Variants in GRIA4 observed in about 807,000 individuals in gnomAD.
The protein encoded by GRIA4 is glutamate ionotropic receptor AMPA type subunit 4, also known as glutamate receptor 4.
GRIA4 carries 34 observed loss-of-function variants against 104.0 expected under a neutral mutation model. The ratio of observed to expected loss-of-function variants is 0.33; its 90% CI spans 0.25 to 0.44. The LOEUF (loss-of-function observed/expected upper bound fraction) is 0.44, where lower values mean the gene tolerates loss of function less well. Ranked by LOEUF, GRIA4 falls within the 20% of genes least tolerant of loss-of-function variation. GRIA4 has a pLI of 1.00. For missense variants in GRIA4, 750 were observed against 1,096.5 expected (o/e 0.68, Z 4.46); for synonymous variants, 386 against 381.9 (o/e 1.01, Z -0.13).
intron 4 of GRIA4, among the ~76,000 whole-genome samples, chr11:105,817,375 T>G (rs1420789784): frequency 6.6e-6 from 1 of 150,376 alleles, no homozygotes; most frequent in Admixed American, 6.7e-5. Flanking sequence ...AAAAACTTAT[T>G]GTGGTGTTTA....
chr11:105,784,665 C>CTATCAATT (rs1941878097), intron 4 of GRIA4, among the ~76,000 whole-genome samples: 2 of 152,122 alleles, frequency 1.3e-5, no homozygotes, highest in African/African-American at 4.8e-5. Flanking sequence ...CCCTAATAAA[C>CTATCAATT]TATCAATTTT....
intron 14 of GRIA4, among the ~76,000 whole-genome samples, chr11:105,964,520 T>G (rs1037742671): frequency 3.3e-5 from 5 of 152,216 alleles, no homozygotes; most frequent in African/African-American, 1.2e-4. Context: ...GCAAATCAAT[T>G]ATTCAACTGC....
At chr11:105,780,955 C>A (rs975556861) in intron 4 of GRIA4, among the ~76,000 whole-genome samples, 1 of 152,128 alleles carries the variant, frequency 6.6e-6, no homozygotes, top group Non-Finnish European at 1.5e-5. Flanking sequence ...ACACATATCA[C>A]AACTGGAGTC....
chr11:105,762,092 C>G (rs990371602), intron 4 of GRIA4, among the ~76,000 whole-genome samples: 1 of 150,584 alleles, frequency 6.6e-6, no homozygotes, highest in African/African-American at 2.4e-5. Context: ...TGTGTGATCT[C>G]AGCTCACTGC....
At chr11:105,737,012 T>G (rs1008221527) in intron 3 of GRIA4, among the ~76,000 whole-genome samples, 1 of 152,042 alleles carries the variant, frequency 6.6e-6, no homozygotes, top group Non-Finnish European at 1.5e-5. Context: ...TGGTTTAATA[T>G]AGGGAATTAA....
intron 3 of GRIA4, among the ~76,000 whole-genome samples, chr11:105,654,010 A>G (rs1047167111): frequency 4.8e-5 from 7 of 144,910 alleles, no homozygotes; most frequent in African/African-American, 1.3e-4. Flanking sequence ...AAAAAAAAAA[A>G]AAAAAAAAAA....
chr11:105,676,020 T>C (rs941393084), intron 3 of GRIA4, among the ~76,000 whole-genome samples: 1 of 151,824 alleles, frequency 6.6e-6, no homozygotes, highest in African/African-American at 2.4e-5. Flanking sequence ...AACATATTAA[T>C]TTATTCAACA....
chr11:105,914,226 A>T (rs1186229623), intron 10 of GRIA4, among the ~76,000 whole-genome samples: 2 of 151,524 alleles, frequency 1.3e-5, no homozygotes, highest in Non-Finnish European at 3.0e-5. Context: ...AGATTTACTA[A>T]TTTTTTTTCT....
chr11:105,632,334 T>C (rs1951055088), intron 3 of GRIA4, among the ~76,000 whole-genome samples: 2 of 152,212 alleles, frequency 1.3e-5, no homozygotes, highest in African/African-American at 4.8e-5. Flanking sequence ...ACTCCAAATA[T>C]GTCTGTTTAC....
At chr11:105,757,269 A>G (rs1940369607) in intron 4 of GRIA4, among the ~76,000 whole-genome samples, 1 of 152,148 alleles carries the variant, frequency 6.6e-6, no homozygotes, top group Non-Finnish European at 1.5e-5. Context: ...ACTTGGTGAG[A>G]GGAGGCAAAG....
At chr11:105,920,431 T>C (rs1379992599) in intron 11 of GRIA4, among the ~76,000 whole-genome samples, 1 of 152,136 alleles carries the variant, frequency 6.6e-6, no homozygotes, top group Non-Finnish European at 1.5e-5. Flanking sequence ...CACTCTTACA[T>C]ATTTCATCTC....
At chr11:105,859,776 G>A (rs1235271221) in intron 4 of GRIA4, among the ~76,000 whole-genome samples, 1 of 152,042 alleles carries the variant, frequency 6.6e-6, no homozygotes, top group East Asian at 1.9e-4. Flanking sequence ...TAAATAAAAG[G>A]AGAAAAAAGA....
intron 4 of GRIA4, among the ~76,000 whole-genome samples, chr11:105,776,719 G>A (rs1941466963): frequency 2.0e-5 from 3 of 152,082 alleles, no homozygotes; most frequent in African/African-American, 7.2e-5. Context: ...AAAGATTACT[G>A]CATTTAGTGT....
intron 3 of GRIA4, among the ~76,000 whole-genome samples, chr11:105,650,230 T>C (rs1315974998): frequency 6.6e-6 from 1 of 152,192 alleles, no homozygotes; most frequent in Non-Finnish European, 1.5e-5. Flanking sequence ...GTTGCAAGTC[T>C]CACTTCTTTT....
intron 13 of GRIA4, among the ~76,000 whole-genome samples, chr11:105,928,490 C>T (rs1445657987): frequency 1.3e-5 from 2 of 151,924 alleles, no homozygotes; most frequent in African/African-American, 4.8e-5. Flanking sequence ...CATTACTACT[C>T]TAATGTATTT....
At chr11:105,615,778 T>A (rs960576987) in intron 3 of GRIA4, among the ~76,000 whole-genome samples, 14 of 151,952 alleles carry the variant, frequency 9.2e-5, no homozygotes, top group Middle Eastern at 6.8e-3. Flanking sequence ...CTGGCTGTTT[T>A]CTCATATTTT....
intron 4 of GRIA4, among the ~76,000 whole-genome samples, chr11:105,837,447 T>C (rs184484162): frequency 6.6e-6 from 1 of 152,276 alleles, no homozygotes; most frequent in African/African-American, 2.4e-5. Context: ...GGTCCCTTCA[T>C]TACTGAAGAA....
In GRIA4 at chr11:105,671,677, CAA is replaced by C. The variant is rs377767108; in HGVS notation, c.247+59266_247+59267del. 4.0e-3 allele frequency among the ~76,000 whole-genome samples: 260 copies of C among 64,530 alleles called. 1 individual carries two copies. The highest frequency in any genetic ancestry group is 0.017 in the African/African-American group (245 of 14,244). 42.3% of individuals were successfully genotyped at this position (64,530 alleles called of 152,430 possible). ...TGGGTGACAGAGTGAGACTCTGTCT[CAA>C]AAAAAAAAAAAAAAAAAAAAAAGAA... On this transcript the variant is annotated intron_variant, in intron 3 of 16. Coordinates refer to ENST00000282499, the MANE Select transcript of GRIA4 (RefSeq NM_000829.4).
chr11:105,702,617 G>A (rs1353102706), intron 3 of GRIA4, among the ~76,000 whole-genome samples: 1 of 150,512 alleles, frequency 6.6e-6, no homozygotes, highest in Non-Finnish European at 1.5e-5. Context: ...CATTTGATGT[G>A]TGCCAGACAC....
Sources: allele counts gnomAD v4.1 joint callset (sites outside exome capture counted in the v4.1 genomes callset), GRCh38; gene constraint gnomAD v4.1.1; transcripts MANE v1.5; gene names NCBI Gene and HGNC (gene_info 2026-07-23, HGNC 2026-07-21).